The following CDIN1 variants were observed in gnomAD, a reference collection of about 807,000 sequenced individuals.
The protein encoded by CDIN1 is CDAN1 interacting nuclease 1, also known as CDAN1-interacting nuclease 1.
CDIN1 carries 33 observed loss-of-function variants against 45.3 expected under a neutral mutation model. The ratio of observed to expected loss-of-function variants is 0.73; its 90% CI spans 0.55 to 0.97. CDIN1 has a LOEUF of 0.97. CDIN1 is among the 50% of genes least tolerant of loss of function. The pLI is 0.00. For missense variants in CDIN1, 303 were observed against 339.4 expected (o/e 0.89, Z 0.84); for synonymous variants, 118 against 124.4 (o/e 0.95, Z 0.34).
At chr15:36,800,702 C>G (rs901957604) in intron 10 of CDIN1, among the ~76,000 whole-genome samples, 1 of 151,504 alleles carries the variant, frequency 6.6e-6, no homozygotes, top group Non-Finnish European at 1.5e-5. Context: ...TGAAAACGCA[C>G]TCTTCATAAA....
rs776613339 is a variant in CDIN1, at chr15:36,709,301, ACT to A, written c.610+16_610+17del. On this transcript the variant is annotated intron_variant, in intron 9 of 10. Transcript: ENST00000566621. Reference sequence around the variant, plus strand: ...CAAGTACCAGTTGGTAAGTTCTTTAACTCTGTTATGCATTTGTTTTTAGAGAA... The same window carrying A: ...CAAGTACCAGTTGGTAAGTTCTTTAACTGTTATGCATTTGTTTTTAGAGAA... 178 of 1,593,360 alleles carry A rather than the reference ACT, an allele frequency of 1.1e-4. 2 individuals carry two copies. The East Asian group carries it at 4.0e-3, about 36-fold the overall frequency.
chr15:36,753,389 T>C (rs1165975498), intron 10 of CDIN1, among the ~76,000 whole-genome samples: 1 of 152,054 alleles, frequency 6.6e-6, no homozygotes, highest in African/African-American at 2.4e-5. Flanking sequence ...ATCCTAGAGA[T>C]ACAGTATAAG....
intron 1 of CDIN1, among the ~76,000 whole-genome samples, chr15:36,602,065 A>G (rs1223293124): frequency 6.6e-6 from 1 of 152,242 alleles, no homozygotes; most frequent in Non-Finnish European, 1.5e-5. Flanking sequence ...ATTATTATGT[A>G]ACAGTAAGAG....
rs950080608 is a variant in CDIN1, at chr15:36,600,829, T to G, written c.101+20868T>G. Among the ~76,000 whole-genome samples, 3 of 152,186 alleles carry G rather than the reference T, an allele frequency of 2.0e-5. No individual in the cohort carries two copies. In the South Asian group the frequency reaches 6.2e-4, roughly 32 times the overall value. On this transcript the variant is annotated intron_variant, in intron 1 of 10. Transcript: ENST00000566621. Reference sequence around the variant, plus strand: ...TATAGTTTTCAGTAGTTTATGAAACTTTGATGTAAAACTGGACAAAAGAAA... The same window carrying G: ...TATAGTTTTCAGTAGTTTATGAAACGTTGATGTAAAACTGGACAAAAGAAA...
chr15:36,786,736 T>C (rs1595597392), intron 10 of CDIN1, among the ~76,000 whole-genome samples: 1 of 152,180 alleles, frequency 6.6e-6, no homozygotes, highest in African/African-American at 2.4e-5. Context: ...GGTCCCTACT[T>C]CCTCATGTCT....
chr15:36,709,888 A>G lies in CDIN1; in HGVS notation c.643A>G (p.Ser215Gly). 7 of 1,613,438 alleles carry G rather than the reference A, an allele frequency of 4.3e-6. No homozygotes were observed. Among genetic ancestry groups the G allele is most frequent in the Non-Finnish European group, 5.9e-6 (7 of 1,179,502 alleles). The change falls in exon 10 of 11, where the codon AGC becomes GGC. Residue 215 changes from serine to glycine, a missense_variant. By Grantham distance (56) the Ser-to-Gly change is moderately conservative (BLOSUM62 0). Coordinates refer to ENST00000566621, the MANE Select transcript of CDIN1 (RefSeq NM_001321759.2). ...VEGHIIHWIE[S>G]KASFGDECSH... ...AGGGCACATAATTCACTGGATTGAAAGCAAAGCCTCATTTGGTGATGAATG... is the reference window on the plus strand; with the variant it reads ...AGGGCACATAATTCACTGGATTGAAGGCAAAGCCTCATTTGGTGATGAATG...
intron 1 of CDIN1, among the ~76,000 whole-genome samples, chr15:36,589,448 TG>T (rs2037461978): frequency 6.6e-6 from 1 of 152,174 alleles, no homozygotes; most frequent in Non-Finnish European, 1.5e-5. Flanking sequence ...GTATATACAG[TG>T]AATACATTTA....
At chr15:36,698,514 C>G (rs1273398274) in intron 8 of CDIN1, among the ~76,000 whole-genome samples, 2 of 152,046 alleles carry the variant, frequency 1.3e-5, no homozygotes, top group Admixed American at 6.6e-5. Flanking sequence ...GAAGAAATCA[C>G]CTTTTAAAAG....
intron 1 of CDIN1, among the ~76,000 whole-genome samples, chr15:36,626,007 T>A (rs2039407328): frequency 6.6e-6 from 1 of 152,010 alleles, no homozygotes; most frequent in Admixed American, 6.6e-5. Flanking sequence ...CAAAAAATAG[T>A]TTATATGTTC....
intron 1 of CDIN1, among the ~76,000 whole-genome samples, chr15:36,636,052 A>G (rs979690313): frequency 6.6e-6 from 1 of 152,220 alleles, no homozygotes; most frequent in Non-Finnish European, 1.5e-5. Flanking sequence ...ATGATCGAGC[A>G]TATTCCCAAA....
chr15:36,744,484 G>A (rs980268616), intron 10 of CDIN1, among the ~76,000 whole-genome samples: 8 of 152,128 alleles, frequency 5.3e-5, no homozygotes, highest in South Asian at 4.1e-4. Flanking sequence ...CCTCTTGAGC[G>A]CCTACTATGT....
intron 10 of CDIN1, among the ~76,000 whole-genome samples, chr15:36,749,206 T>G (rs957719455): frequency 2.6e-5 from 4 of 152,250 alleles, no homozygotes; most frequent in Admixed American, 6.5e-5. Context: ...CTTGGATTTC[T>G]GTTCTTAATT....
chr15:36,737,943 A>G (rs544005342), intron 10 of CDIN1, among the ~76,000 whole-genome samples: 28 of 152,282 alleles, frequency 1.8e-4, no homozygotes, highest in South Asian at 1.7e-3. Context: ...TGTCCACAAC[A>G]TTTGACAAAG....
intron 10 of CDIN1, among the ~76,000 whole-genome samples, chr15:36,740,394 A>T (rs1265641178): frequency 1.3e-5 from 2 of 152,140 alleles, no homozygotes; most frequent in African/African-American, 4.8e-5. Flanking sequence ...CATAACTGAA[A>T]AGCCCAAATG....
chr15:36,788,506 T>G (rs1816413548), intron 10 of CDIN1, among the ~76,000 whole-genome samples: 1 of 152,284 alleles, frequency 6.6e-6, no homozygotes, highest in Non-Finnish European at 1.5e-5. Context: ...TCAGAAGTTT[T>G]AGGATACCTG....
intron 5 of CDIN1, among the ~76,000 whole-genome samples, chr15:36,661,646 G>A (rs2041019564): frequency 6.6e-6 from 1 of 152,090 alleles, no homozygotes; most frequent in Non-Finnish European, 1.5e-5. Context: ...TTACAAGAAT[G>A]CTAGTGATTT....
chr15:36,709,339 T>C, intron 9 of CDIN1, 51 bp downstream of exon 9: 1 of 1,312,506 alleles, frequency 7.6e-7, no homozygotes, highest in Non-Finnish European at 1.0e-6. Flanking sequence ...AAGGGATGTA[T>C]TTTTTAATTT....
chr15:36,697,029 G>A (rs9744647), intron 7 of CDIN1, among the ~76,000 whole-genome samples: 1 of 151,456 alleles, frequency 6.6e-6, no homozygotes, highest in Non-Finnish European at 1.5e-5. Context: ...GGAGGCTGAG[G>A]TGGGAGGATT....
chr15:36,770,118 C>G (rs2054031864), intron 10 of CDIN1, among the ~76,000 whole-genome samples: 1 of 151,912 alleles, frequency 6.6e-6, no homozygotes, highest in East Asian at 1.9e-4. Context: ...CTTTCTCTCT[C>G]TCTCTCTCTC....
Sources: allele counts gnomAD v4.1 joint callset (sites outside exome capture counted in the v4.1 genomes callset), GRCh38; gene constraint gnomAD v4.1.1; transcripts MANE v1.5; gene names NCBI Gene and HGNC (gene_info 2026-07-23, HGNC 2026-07-21).